PRKAA2: variants seen among roughly 807,000 people sequenced by gnomAD.
The protein encoded by PRKAA2 is protein kinase AMP-activated catalytic subunit alpha 2, also known as 5'-AMP-activated protein kinase catalytic subunit alpha-2.
In PRKAA2, 40 loss-of-function variants were observed where a neutral mutation model predicts 56.3. The observed-to-expected ratio is 0.71, with a 90% CI of 0.55 to 0.92. The LOEUF (loss-of-function observed/expected upper bound fraction) is 0.92. Ranked by LOEUF, PRKAA2 falls within the 40% of genes least tolerant of loss-of-function variation. PRKAA2 has a pLI of 0.00. For synonymous variants in PRKAA2, 214 were observed against 234.2 expected (o/e 0.91, Z 0.79); for missense variants, 542 against 686.9 (o/e 0.79, Z 2.36).
chr1:56,668,464 T>C (rs976021282), intron 1 of PRKAA2, among the ~76,000 whole-genome samples: 1 of 151,944 alleles, frequency 6.6e-6, no homozygotes, highest in Non-Finnish European at 1.5e-5. Flanking sequence ...GTGGAGCATG[T>C]GAAATTAAGT....
chr1:56,673,388 A>G (rs1168365704), intron 1 of PRKAA2, among the ~76,000 whole-genome samples: 2 of 152,136 alleles, frequency 1.3e-5, no homozygotes, highest in African/African-American at 4.8e-5. Context: ...TAAATAAATG[A>G]AAAGATAGGG....
At chr1:56,683,090 T>C (rs111337655) in intron 2 of PRKAA2, among the ~76,000 whole-genome samples, 1 of 147,728 alleles carries the variant, frequency 6.8e-6, no homozygotes, top group Non-Finnish European at 1.5e-5. Flanking sequence ...TTTTTTTTTT[T>C]TTTTTTTTTT....
intron 1 of PRKAA2, among the ~76,000 whole-genome samples, chr1:56,655,260 T>TTATATACATATATATATATATATATA (rs368198472): frequency 1.4e-5 from 1 of 71,732 alleles, no homozygotes; most frequent in African/African-American, 5.9e-5. Context: ...ATGTATGTAT[T>TTATATACATATATATATATATATATA]TATATATCTA....
At position 56,696,098 on chromosome 1, in the gene PRKAA2, A is replaced by G; in HGVS notation, c.727A>G (p.Thr243Ala). 6.2e-7 allele frequency: 1 copy of G among 1,613,192 alleles called. No homozygotes were observed. Among genetic ancestry groups the G allele is most frequent in the African/African-American group, 1.3e-5 (1 of 74,662 alleles). ...AGAATATCTCAATCGTTCTGTCGCC[A>G]CTCTCCTGATGCATATGCTGCAGGT... ...IPEYLNRSVA[T>A]LLMHMLQVDP... Residue 243 changes from threonine (T) to alanine (A), a missense_variant, in exon 6 of 9, where the codon ACT becomes GCT. Around this residue, in one of 5 missense-constraint regions of PRKAA2, gnomAD observed 198 missense variants for 234.0 expected, o/e 0.85. Coordinates refer to ENST00000371244, the MANE Select transcript of PRKAA2 (RefSeq NM_006252.4).
intron 1 of PRKAA2, 130 bp downstream of exon 1, chr1:56,645,611 G>A: frequency 2.7e-6 from 2 of 750,906 alleles, no homozygotes; most frequent in South Asian, 1.1e-4. Flanking sequence ...GGGTCGCGCG[G>A]AGCTGGGGCC....
At chr1:56,695,844 C>G in intron 5 of PRKAA2, 91 bp from the exon 6 acceptor site, 2 of 1,073,352 alleles carry the variant, frequency 1.9e-6, no homozygotes, top group Non-Finnish European at 2.8e-6. Flanking sequence ...TGAATATGTA[C>G]TGAATGTAGA....
intron 1 of PRKAA2, among the ~76,000 whole-genome samples, chr1:56,669,134 C>T (rs1250213715): frequency 1.3e-5 from 2 of 152,072 alleles, no homozygotes; most frequent in African/African-American, 2.4e-5. Context: ...GGCTGAGCTT[C>T]CTCTGTTTGA....
chr1:56,697,730 A>T (rs949439129), intron 6 of PRKAA2, among the ~76,000 whole-genome samples: 2 of 152,078 alleles, frequency 1.3e-5, no homozygotes, highest in Non-Finnish European at 2.9e-5. Context: ...TGCGAGGCTG[A>T]GATGGGAAGA....
At chr1:56,691,575 A>G (rs757085182) in intron 3 of PRKAA2, 88 bp downstream of exon 3, 8 of 1,058,278 alleles carry the variant, frequency 7.6e-6, no homozygotes, top group Non-Finnish European at 1.1e-5. Flanking sequence ...GATATCTTCA[A>G]GGTTGAAGTT....
At chr1:56,654,023 T>G (rs528111614) in intron 1 of PRKAA2, among the ~76,000 whole-genome samples, 51 of 152,252 alleles carry the variant, frequency 3.3e-4, no homozygotes, top group Non-Finnish European at 6.9e-4. Flanking sequence ...TGGGTCATTT[T>G]AAAGTCCTGG....
intron 2 of PRKAA2, among the ~76,000 whole-genome samples, chr1:56,677,587 C>T (rs1404232398): frequency 1.3e-5 from 2 of 151,906 alleles, no homozygotes; most frequent in East Asian, 3.9e-4. Flanking sequence ...TTCCTAAAAA[C>T]ACAAATCAGA....
In PRKAA2 at chr1:56,711,502, C is replaced by T. The variant is rs1644368658; in HGVS notation, c.*3789C>T. 6.6e-6 allele frequency: 1 copy of T among 152,130 alleles called. No homozygotes were observed. The highest frequency in any genetic ancestry group is 2.4e-5 in the African/African-American group (1 of 41,444). The allele number at this position is 152,130 out of a possible 1,614,324, so 9.4% of individuals were successfully genotyped here. On this transcript the variant is annotated 3_prime_UTR_variant, in exon 9 of 9. Transcript: ENST00000371244. ...TACATCCTATTAATGGTTGTAAAAG[C>T]TGAGTGTCTAAATGCTAGACATGTT...
At chr1:56,646,848 G>A (rs778167946) in intron 1 of PRKAA2, among the ~76,000 whole-genome samples, 1 of 152,160 alleles carries the variant, frequency 6.6e-6, no homozygotes, top group Non-Finnish European at 1.5e-5. Flanking sequence ...TTCAAAAAAC[G>A]CTGAGCACCT....
chr1:56,672,032 A>G (rs938558288), intron 1 of PRKAA2, among the ~76,000 whole-genome samples: 1 of 152,226 alleles, frequency 6.6e-6, no homozygotes, highest in Non-Finnish European at 1.5e-5. Context: ...CATTTGTAGC[A>G]TATATGCTAT....
At chr1:56,699,307 G>A (rs1644278758) in intron 6 of PRKAA2, among the ~76,000 whole-genome samples, 1 of 152,084 alleles carries the variant, frequency 6.6e-6, no homozygotes, top group African/African-American at 2.4e-5. Flanking sequence ...CTAACCTTAA[G>A]TCATATATCA....
chr1:56,649,966 G>A (rs1269382309), intron 1 of PRKAA2, among the ~76,000 whole-genome samples: 12 of 152,096 alleles, frequency 7.9e-5, no homozygotes, highest in Non-Finnish European at 8.8e-5. Flanking sequence ...GTGATGGTGC[G>A]CGCCTGTAAT....
intron 2 of PRKAA2, among the ~76,000 whole-genome samples, chr1:56,688,342 T>C (rs1644205930): frequency 6.6e-6 from 1 of 152,228 alleles, no homozygotes; most frequent in Non-Finnish European, 1.5e-5. Context: ...TTAAAAGTGC[T>C]AATTTATACA....
chr1:56,675,175 A>T (rs963750837), intron 2 of PRKAA2, among the ~76,000 whole-genome samples: 1 of 151,164 alleles, frequency 6.6e-6, no homozygotes, highest in African/African-American at 2.5e-5. Context: ...TTGTGCAATA[A>T]TGTGTTTCTT....
chr1:56,646,350 G>A lies in PRKAA2; in HGVS notation c.94+869G>A, dbSNP rs143354912. ...GAGAGAAAAAGTTTCCTTGGTGTTT[G>A]GAGGATTTGAGGCTGAGGAGGTCAG... On this transcript the variant is annotated intron_variant, in intron 1 of 8. Transcript: ENST00000371244. 2.6e-5 allele frequency among the ~76,000 whole-genome samples: 4 copies of A among 152,272 alleles called. No individual in the cohort carries two copies. The East Asian group carries it at 7.7e-4, about 29-fold the overall frequency.
Sources: gnomAD v4.1 joint callset for allele counts (sites outside exome capture counted in the v4.1 genomes callset) on GRCh38, gnomAD v4.1.1 for gene constraint, gnomAD v4.1.1 regional missense constraint, MANE v1.5 for transcripts, NCBI Gene and HGNC (gene_info 2026-07-23, HGNC 2026-07-21) for gene names.